Variants in AGMO observed in about 807,000 individuals in gnomAD.
AGMO encodes glyceryl-ether monooxygenase.
AGMO carries 75 observed loss-of-function variants against 60.2 expected under a neutral mutation model. That is an observed-to-expected ratio of 1.25 (90% CI 1.03 to 1.51). The LOEUF (loss-of-function observed/expected upper bound fraction) is 1.51. AGMO is among the 40% of genes most tolerant of loss of function. The pLI, the probability that AGMO is intolerant of heterozygous loss-of-function variation, is 0.00. For missense variants in AGMO, 763 were observed against 525.5 expected (o/e 1.45, Z -4.42); for synonymous variants, 261 against 177.1 (o/e 1.47, Z -3.76).
the AGMO span, among the ~76,000 whole-genome samples, chr7:15,136,353 T>C: frequency 0.34 from 51,062 of 152,026 alleles, 10,195 homozygotes; most frequent in East Asian, 0.67. Context: ...TTACCCTTTC[T>C]TGCACCTTTC....
chr7:15,332,652 ATAAT>A (rs547348089), intron 12 of AGMO, among the ~76,000 whole-genome samples: 67 of 152,288 alleles, frequency 4.4e-4, no homozygotes, highest in Admixed American at 3.3e-3. Context: ...TATTCTAAGA[ATAAT>A]TAATATGAAA....
chr7:15,296,477 A>G (rs1784412014), intron 12 of AGMO, among the ~76,000 whole-genome samples: 1 of 152,150 alleles, frequency 6.6e-6, no homozygotes, highest in African/African-American at 2.4e-5. Context: ...CTGTACCGTC[A>G]CAGCTAAATT....
At chr7:15,394,897 A>G (rs1263647338) in intron 5 of AGMO, among the ~76,000 whole-genome samples, 1 of 152,192 alleles carries the variant, frequency 6.6e-6, no homozygotes, top group Non-Finnish European at 1.5e-5. Context: ...TTTCACAATT[A>G]AAGTTACTTC....
chr7:15,254,923 G>C (rs1045951110), intron 12 of AGMO, among the ~76,000 whole-genome samples: 7 of 152,056 alleles, frequency 4.6e-5, no homozygotes, highest in African/African-American at 1.7e-4. Context: ...AGAAGAAATA[G>C]AAAATTTAAA....
At chr7:15,176,670 C>G in the AGMO span, among the ~76,000 whole-genome samples, 5 of 152,022 alleles carry the variant, frequency 3.3e-5, no homozygotes, top group East Asian at 9.6e-4. Context: ...AATTTATGTA[C>G]TAGTTGGGTC....
chr7:15,371,012 G>A (rs60695874), intron 10 of AGMO, among the ~76,000 whole-genome samples: 27,829 of 151,940 alleles, frequency 0.18, 2,757 homozygotes, highest in Middle Eastern at 0.24. Flanking sequence ...AAAGCAATGG[G>A]GAAAAGACTC....
chr7:15,381,886 C>T (rs1486163455), intron 10 of AGMO, among the ~76,000 whole-genome samples: 1 of 152,062 alleles, frequency 6.6e-6, no homozygotes, highest in African/African-American at 2.4e-5. Context: ...ATGGATGGAG[C>T]TGGAGGCCAT....
At chr7:15,240,633 T>C (rs1051143487) in intron 12 of AGMO, among the ~76,000 whole-genome samples, 2 of 152,146 alleles carry the variant, frequency 1.3e-5, no homozygotes, top group Non-Finnish European at 2.9e-5. Flanking sequence ...AATACTTATT[T>C]TGATAACTTT....
chr7:15,468,542 T>C (rs985704504), intron 3 of AGMO, among the ~76,000 whole-genome samples: 47 of 152,102 alleles, frequency 3.1e-4, no homozygotes, highest in African/African-American at 1.0e-3. Flanking sequence ...TTCATATGTA[T>C]ATATGCTTAT....
At chr7:15,269,189 G>A (rs138647422) in intron 12 of AGMO, among the ~76,000 whole-genome samples, 80 of 152,190 alleles carry the variant, frequency 5.3e-4, no homozygotes, top group African/African-American at 1.8e-3. Flanking sequence ...ATAATAGGCC[G>A]TAGTCCACTT....
intron 3 of AGMO, among the ~76,000 whole-genome samples, chr7:15,466,719 C>T (rs74628687): frequency 2.6e-4 from 39 of 152,060 alleles, no homozygotes; most frequent in South Asian, 1.5e-3. Context: ...CATAGTATCG[C>T]TAAGGAGTTA....
At chr7:15,243,409 T>C (rs955123405) in intron 12 of AGMO, among the ~76,000 whole-genome samples, 3 of 152,080 alleles carry the variant, frequency 2.0e-5, no homozygotes, top group African/African-American at 7.2e-5. Flanking sequence ...TTTTACAAGT[T>C]AGAGCAAAAA....
chr7:15,198,730 T>C (rs927092328), downstream of AGMO, among the ~76,000 whole-genome samples: 1 of 152,102 alleles, frequency 6.6e-6, no homozygotes, highest in Non-Finnish European at 1.5e-5. Flanking sequence ...GAAGCTATTC[T>C]TGGCTGAGTC....
intron 9 of AGMO, 39 bp from the exon 10 acceptor site, chr7:15,385,601 A>C: frequency 1.7e-6 from 2 of 1,173,678 alleles, no homozygotes; most frequent in Non-Finnish European, 2.5e-6. Context: ...ATTGCTCCAG[A>C]CTCATTTTTC....
intron 5 of AGMO, among the ~76,000 whole-genome samples, chr7:15,395,086 G>C (rs1247878919): frequency 6.6e-6 from 1 of 152,178 alleles, no homozygotes; most frequent in African/African-American, 2.4e-5. Context: ...AACCATGGCA[G>C]ATACCAAGAT....
chr7:15,296,273 T>C (rs553733230), intron 12 of AGMO, among the ~76,000 whole-genome samples: 26 of 152,006 alleles, frequency 1.7e-4, no homozygotes, highest in Non-Finnish European at 2.9e-4. Flanking sequence ...AATAGACTTC[T>C]ACGTAACTTC....
chr7:15,156,856 T>A, the AGMO span, among the ~76,000 whole-genome samples: 20 of 152,162 alleles, frequency 1.3e-4, no homozygotes, highest in Non-Finnish European at 2.5e-4. Flanking sequence ...TAGTCAGCCA[T>A]CTTGGCTCTC....
At chr7:15,226,293 T>A (rs60231918) in intron 12 of AGMO, among the ~76,000 whole-genome samples, 7,070 of 152,138 alleles carry the variant, frequency 0.046, 551 homozygotes, top group African/African-American at 0.16. Flanking sequence ...AAGAAAATTA[T>A]GTATGAGAAT....
intron 12 of AGMO, among the ~76,000 whole-genome samples, chr7:15,227,467 C>T (rs986628192): frequency 1.3e-5 from 2 of 148,166 alleles, no homozygotes; most frequent in African/African-American, 2.5e-5. Flanking sequence ...ATGGTGAAAA[C>T]GGTGACAAAT....
Sources: allele counts gnomAD v4.1 joint callset (sites outside exome capture counted in the v4.1 genomes callset), GRCh38; gene constraint gnomAD v4.1.1; transcripts MANE v1.5; gene names NCBI Gene and HGNC (gene_info 2026-07-23, HGNC 2026-07-21).